The following PTPRT variants were observed in gnomAD, a reference collection of about 807,000 sequenced individuals.
PTPRT encodes the protein receptor-type tyrosine-protein phosphatase T.
PTPRT carries 56 observed loss-of-function variants against 176.8 expected under a neutral mutation model. That is an observed-to-expected ratio of 0.32 (90% CI 0.26 to 0.40). The LOEUF (loss-of-function observed/expected upper bound fraction) is 0.40. PTPRT is among the 10% of genes least tolerant of loss of function. The pLI is 1.00. For synonymous variants in PTPRT, 783 were observed against 739.0 expected, an observed-to-expected ratio of 1.06 and a Z score of -0.96; for missense variants, 1,540 against 1,908.2, an observed-to-expected ratio of 0.81 and a Z score of 3.60.
chr20:42,184,565 T>TTCTTCTTCTTCTTCTTCTTCTTCC, intron 16 of PTPRT, among the ~76,000 whole-genome samples: 2 of 132,994 alleles, frequency 1.5e-5, no homozygotes, highest in Non-Finnish European at 3.2e-5. Flanking sequence ...CTTCTTATTC[T>TTCTTCTTCTTCTTCTTCTTCTTCC]TCTTCTTCTT....
intron 1 of PTPRT, among the ~76,000 whole-genome samples, chr20:43,076,173 A>G (rs1329048752): frequency 6.6e-6 from 1 of 152,130 alleles, no homozygotes; most frequent in African/African-American, 2.4e-5. Flanking sequence ...GGGTGGGCAG[A>G]TAGTGCCTTT....
the PTPRT span, among the ~76,000 whole-genome samples, chr20:42,054,386 C>G: frequency 7.2e-5 from 11 of 152,168 alleles, no homozygotes; most frequent in Non-Finnish European, 1.5e-4. Context: ...ATATTTTGCA[C>G]TTTAGAGAGA....
the PTPRT span, among the ~76,000 whole-genome samples, chr20:42,060,793 C>A: frequency 2.6e-5 from 4 of 152,198 alleles, no homozygotes. Flanking sequence ...CACTCTGTAA[C>A]CCTACCCTGT....
intron 7 of PTPRT, among the ~76,000 whole-genome samples, chr20:42,633,868 C>G (rs1427188631): frequency 1.6e-5 from 1 of 61,614 alleles, no homozygotes; most frequent in Non-Finnish European, 2.8e-5. Flanking sequence ...ATATAATTAT[C>G]TATAATATAT....
At chr20:42,945,191 ATATGTATG>A (rs199546552) in intron 1 of PTPRT, among the ~76,000 whole-genome samples, 2 of 151,216 alleles carry the variant, frequency 1.3e-5, no homozygotes, top group Non-Finnish European at 2.9e-5. Flanking sequence ...AGATACATAT[ATATGTATG>A]TATGTATGTA....
chr20:42,082,993 T>A (rs1983492471), intron 29 of PTPRT, among the ~76,000 whole-genome samples: 1 of 152,096 alleles, frequency 6.6e-6, no homozygotes, highest in South Asian at 2.1e-4. Context: ...CAAGGTCTGT[T>A]ATGGTGTCTG....
intron 13 of PTPRT, among the ~76,000 whole-genome samples, chr20:42,279,355 G>C (rs1258449524): frequency 6.6e-6 from 1 of 152,026 alleles, no homozygotes; most frequent in African/African-American, 2.4e-5. Flanking sequence ...GTGATGGTAA[G>C]GCAGTGATCA....
intron 1 of PTPRT, among the ~76,000 whole-genome samples, chr20:42,910,794 T>A (rs2079534400): frequency 6.6e-6 from 1 of 152,230 alleles, no homozygotes; most frequent in African/African-American, 2.4e-5. Context: ...TCTGTTTTTA[T>A]ACTGCTATAA....
At chr20:42,206,387 G>A (rs939436843) in intron 15 of PTPRT, among the ~76,000 whole-genome samples, 1 of 152,210 alleles carries the variant, frequency 6.6e-6, no homozygotes, top group Non-Finnish European at 1.5e-5. Flanking sequence ...CATCTCACTA[G>A]GGAGTGCCAG....
At chr20:43,118,415 G>A (rs1353453734) in intron 1 of PTPRT, among the ~76,000 whole-genome samples, 2 of 152,038 alleles carry the variant, frequency 1.3e-5, no homozygotes, top group African/African-American at 2.4e-5. Context: ...TCCTCCTCAC[G>A]GGTCGATGAA....
intron 6 of PTPRT, among the ~76,000 whole-genome samples, chr20:42,729,966 G>C (rs557766396): frequency 3.5e-4 from 54 of 152,238 alleles, no homozygotes; most frequent in Middle Eastern, 3.4e-3. Flanking sequence ...CATATGCCAC[G>C]CACTGTGCTA....
chr20:42,767,977 T>TACACACACACAC (rs35599788), intron 5 of PTPRT, among the ~76,000 whole-genome samples: 3 of 125,252 alleles, frequency 2.4e-5, no homozygotes, highest in Non-Finnish European at 3.3e-5. Context: ...TATAAAATTA[T>TACACACACACAC]ACACACACAC....
chr20:42,074,493 T>C lies in PTPRT; in HGVS notation c.*6386A>G. The stretch of plus-strand genomic sequence containing the variant: ...CCACCAGACACTCATTCTCCGAACA[T>C]TCCAATTAAGGATCAGAGTCCACAT... On this transcript the variant is annotated 3_prime_UTR_variant, in exon 31 of 31. Coordinates refer to ENST00000373187, the MANE Select transcript of PTPRT (RefSeq NM_007050.6). 3.0e-6 allele frequency: 1 copy of C among 330,658 alleles called. No homozygotes were observed. Among genetic ancestry groups the C allele is most frequent in the Non-Finnish European group, 5.5e-6 (1 of 182,970 alleles). The allele number at this position is 330,658 out of a possible 1,614,324, so 20.5% of individuals were successfully genotyped here.
chr20:42,687,108 A>G (rs2075710146), intron 6 of PTPRT: 1 of 152,142 alleles, frequency 6.6e-6, no homozygotes, highest in South Asian at 2.1e-4. Context: ...TGCTACTAAT[A>G]TCATCATCCT....
intron 28 of PTPRT, 62 bp downstream of exon 28, chr20:42,085,666 C>A: frequency 1.2e-6 from 2 of 1,601,938 alleles, no homozygotes; most frequent in East Asian, 4.5e-5. Flanking sequence ...GATCCTCTCT[C>A]GGCAGCCTCC....
At chr20:42,094,837 G>A (rs145342437) in intron 27 of PTPRT, among the ~76,000 whole-genome samples, 196 of 152,184 alleles carry the variant, frequency 1.3e-3, no homozygotes, top group African/African-American at 4.5e-3. Context: ...AGTTGAGATC[G>A]CGCCACTGCA....
At chr20:42,900,628 C>G (rs531069044) in intron 1 of PTPRT, among the ~76,000 whole-genome samples, 1 of 152,234 alleles carries the variant, frequency 6.6e-6, no homozygotes, top group Non-Finnish European at 1.5e-5. Context: ...CATGGTGGGC[C>G]CTCCTCAGTT....
At position 42,945,032 on chromosome 20, in the gene PTPRT, T is replaced by TTG. The variant is rs910979124; in HGVS notation, c.89-59102_89-59101dup. Among the ~76,000 whole-genome samples the TTG allele has an allele frequency of 1.7e-4, 25 of 149,700 alleles. No homozygotes were observed. In the East Asian group the frequency reaches 2.5e-3, roughly 15 times the overall value. ...ATTTGTGGCCAGACATTATAAAATG[T>TTG]TGTGTGTGTGTGTGTTATATAGTAT... On this transcript the variant is annotated intron_variant, in intron 1 of 30. Transcript: ENST00000373187.
chr20:42,638,267 G>A (rs117619602), intron 7 of PTPRT, among the ~76,000 whole-genome samples: 59 of 152,244 alleles, frequency 3.9e-4, no homozygotes, highest in Non-Finnish European at 7.9e-4. Context: ...CAGTATAACA[G>A]ATTGGGATAG....
Sources: allele counts gnomAD v4.1 joint callset (sites outside exome capture counted in the v4.1 genomes callset), GRCh38; gene constraint gnomAD v4.1.1; transcripts MANE v1.5; gene names NCBI Gene and HGNC (gene_info 2026-07-23, HGNC 2026-07-21).